MSRA: variants seen among roughly 807,000 people sequenced by gnomAD.
MSRA encodes mitochondrial peptide methionine sulfoxide reductase.
MSRA carries 54 observed loss-of-function variants against 31.3 expected under a neutral mutation model. The observed-to-expected ratio is 1.73, with a 90% CI of 1.39 to 2.17. The LOEUF (loss-of-function observed/expected upper bound fraction) is 2.17, where lower values mean the gene tolerates loss of function less well. Ranked by LOEUF, MSRA falls within the 30% of genes most tolerant of loss-of-function variation. The pLI is 0.00. For missense variants in MSRA, 507 were observed against 300.9 expected, an observed-to-expected ratio of 1.69 and a Z score of -5.07; for synonymous variants, 169 against 116.5, an observed-to-expected ratio of 1.45 and a Z score of -2.90.
chr8:10,327,981 C>T (rs1802466060), intron 5 of MSRA, among the ~76,000 whole-genome samples: 1 of 146,946 alleles, frequency 6.8e-6, no homozygotes, highest in Non-Finnish European at 1.5e-5. Context: ...CCAATGCAGT[C>T]ATTGCTGCTT....
At chr8:10,283,836 T>TATATATATATACACACACAC (rs1261287031) in intron 3 of MSRA, among the ~76,000 whole-genome samples, 34 of 53,148 alleles carry the variant, frequency 6.4e-4, no homozygotes, top group East Asian at 2.5e-3. Context: ...TATATATATA[T>TATATATATATACACACACAC]ACACACACAC....
intron 1 of MSRA, among the ~76,000 whole-genome samples, chr8:10,104,688 G>T (rs1194921205): frequency 6.6e-6 from 1 of 152,144 alleles, no homozygotes; most frequent in Non-Finnish European, 1.5e-5. Flanking sequence ...CAGACTTAAG[G>T]TCTGTGTTGA....
At chr8:10,406,587 T>A (rs936629477) in intron 5 of MSRA, among the ~76,000 whole-genome samples, 6 of 152,168 alleles carry the variant, frequency 3.9e-5, no homozygotes, top group African/African-American at 1.4e-4. Context: ...GTCCTGGGTG[T>A]ATTGGAGGCG....
intron 1 of MSRA, among the ~76,000 whole-genome samples, chr8:10,152,439 C>G (rs11986122): frequency 0.45 from 68,725 of 151,382 alleles, 16,923 homozygotes; most frequent in East Asian, 0.96. Context: ...TTGTTTGTGT[C>G]CTGGGCAGGA....
At chr8:10,117,716 A>AGCT (rs1406799574) in intron 1 of MSRA, among the ~76,000 whole-genome samples, 1 of 152,220 alleles carries the variant, frequency 6.6e-6, no homozygotes, top group African/African-American at 2.4e-5. Context: ...TCTTTTTGAT[A>AGCT]GCTGTGAGTA....
chr8:10,128,962 C>G (rs1312724513), intron 1 of MSRA, among the ~76,000 whole-genome samples: 1 of 152,146 alleles, frequency 6.6e-6, no homozygotes, highest in Non-Finnish European at 1.5e-5. Context: ...TTACTGTCAG[C>G]CTTACTTAAC....
intron 1 of MSRA, among the ~76,000 whole-genome samples, chr8:10,057,712 C>G (rs751858301): frequency 4.7e-4 from 71 of 152,098 alleles, no homozygotes; most frequent in African/African-American, 8.2e-4. Context: ...GTGTAGCTTG[C>G]CCCTTTGCGC....
intron 3 of MSRA, among the ~76,000 whole-genome samples, chr8:10,284,607 C>G (rs1799833789): frequency 6.6e-6 from 1 of 152,156 alleles, no homozygotes; most frequent in Non-Finnish European, 1.5e-5. Context: ...CTCCTTTGAC[C>G]TAGAGTCCCC....
intron 5 of MSRA, among the ~76,000 whole-genome samples, chr8:10,330,399 C>T (rs1379294470): frequency 6.6e-6 from 1 of 152,058 alleles, no homozygotes; most frequent in Non-Finnish European, 1.5e-5. Flanking sequence ...CAGATAATTC[C>T]CCAGCAAGAG....
intron 3 of MSRA, among the ~76,000 whole-genome samples, chr8:10,287,989 C>T (rs952876659): frequency 2.0e-5 from 3 of 152,092 alleles, no homozygotes; most frequent in Non-Finnish European, 2.9e-5. Context: ...GTTTTGGCTG[C>T]ATCCCAGAGA....
chr8:10,103,522 C>T (rs1799671495), intron 1 of MSRA, among the ~76,000 whole-genome samples: 1 of 152,052 alleles, frequency 6.6e-6, no homozygotes, highest in Non-Finnish European at 1.5e-5. Context: ...ATACCAATAT[C>T]AAAGGGTTGT....
intron 5 of MSRA, among the ~76,000 whole-genome samples, chr8:10,393,364 A>G (rs1217708049): frequency 6.6e-6 from 1 of 152,158 alleles, no homozygotes; most frequent in Non-Finnish European, 1.5e-5. Flanking sequence ...CAAAGTTATT[A>G]CGGCAAATCC....
At chr8:10,299,546 A>G (rs1272677892) in intron 3 of MSRA, among the ~76,000 whole-genome samples, 1 of 152,126 alleles carries the variant, frequency 6.6e-6, no homozygotes. Flanking sequence ...TATATGGACT[A>G]GCCAATTAAT....
At chr8:10,418,371 C>A (rs1044344197) in intron 5 of MSRA, among the ~76,000 whole-genome samples, 3 of 152,104 alleles carry the variant, frequency 2.0e-5, no homozygotes, top group African/African-American at 7.2e-5. Context: ...TGAGGGTCAT[C>A]TGTCTTGGAA....
chr8:10,312,947 T>A (rs1585436519), intron 4 of MSRA, among the ~76,000 whole-genome samples: 1 of 152,344 alleles, frequency 6.6e-6, no homozygotes, highest in East Asian at 1.9e-4. Flanking sequence ...TAATGATGCA[T>A]TGAGAAACTA....
chr8:10,255,410 A>G (rs941313076), intron 3 of MSRA, among the ~76,000 whole-genome samples: 1 of 152,216 alleles, frequency 6.6e-6, no homozygotes, highest in African/African-American at 2.4e-5. Context: ...GTCCCAGAGC[A>G]TCCCGTTCTC....
At chr8:10,302,163 C>T (rs1390331004) in intron 4 of MSRA, among the ~76,000 whole-genome samples, 1 of 152,132 alleles carries the variant, frequency 6.6e-6, no homozygotes, top group Non-Finnish European at 1.5e-5. Flanking sequence ...CATTTGTTCT[C>T]TTTGGAATTT....
At chr8:10,132,276 T>C (rs2129025769) in intron 1 of MSRA, among the ~76,000 whole-genome samples, 1 of 152,368 alleles carries the variant, frequency 6.6e-6, no homozygotes, top group East Asian at 1.9e-4. Context: ...TTAGCAATGT[T>C]AGATTCTTGC....
At chr8:10,283,131 C>CAG (rs1799713413) in intron 3 of MSRA, among the ~76,000 whole-genome samples, 1 of 130,226 alleles carries the variant, frequency 7.7e-6, no homozygotes, top group East Asian at 2.3e-4. Flanking sequence ...ATTCACATTA[C>CAG]ACACACACAC....
Sources: allele counts gnomAD v4.1 joint callset (sites outside exome capture counted in the v4.1 genomes callset), GRCh38; gene constraint gnomAD v4.1.1; transcripts MANE v1.5; gene names NCBI Gene and HGNC (gene_info 2026-07-23, HGNC 2026-07-21).